The following ANGPT1 variants were observed in gnomAD, a reference collection of about 807,000 sequenced individuals.
ANGPT1 encodes angiopoietin 1.
In ANGPT1, 17 loss-of-function variants were observed where a neutral mutation model predicts 62.2. The observed-to-expected ratio is 0.27, with a 90% CI of 0.19 to 0.41. ANGPT1 has a LOEUF of 0.41. Ranked by LOEUF, ANGPT1 falls within the 10% of genes least tolerant of loss-of-function variation. ANGPT1 has a pLI of 1.00. For missense variants in ANGPT1, 478 were observed against 594.9 expected (o/e 0.80, Z 2.04); for synonymous variants, 199 against 198.9 (o/e 1.00, Z 0.00).
chr8:107,261,915 C>G (rs1813501244), intron 8 of ANGPT1, among the ~76,000 whole-genome samples: 1 of 152,016 alleles, frequency 6.6e-6, no homozygotes, highest in Admixed American at 6.6e-5. Flanking sequence ...CCCAAACCAG[C>G]TGGGTGTGGT....
At position 107,293,955 on chromosome 8, in the gene ANGPT1, C is replaced by T; in HGVS notation, c.1019G>A (p.Gly340Asp). 6.2e-7 allele frequency: 1 copy of T among 1,613,096 alleles called. No homozygotes were observed. Among genetic ancestry groups the T allele is most frequent in the Middle Eastern group, 1.7e-4 (1 of 6,054 alleles). The change falls in exon 6 of 9, where the codon GGC (glycine) becomes GAC (aspartate). Residue 340 changes from glycine (G) to aspartate (D), a missense_variant. This residue lies in a region of ANGPT1 where 81 missense variants were observed against 117.1 expected (regional missense o/e 0.69). Transcript: ENST00000517746. ...TCTTACCATTTTATATTCCTTCCAG[C>T]CTCTTTGGAAATCTAGACTTCCATC... ...REDGSLDFQRGWKEYKMGFGN... is the reference protein window; with the variant it reads ...REDGSLDFQRDWKEYKMGFGN...
intron 1 of ANGPT1, among the ~76,000 whole-genome samples, chr8:107,408,386 G>C (rs553036194): frequency 7.2e-4 from 110 of 152,250 alleles, no homozygotes; most frequent in African/African-American, 2.4e-3. Context: ...TTATAAGTTT[G>C]AAAAGATTGC....
Position 107,408,227 on chromosome 8 carries a change from C to T in ANGPT1, c.298-61130G>A, listed in dbSNP as rs118100358. Among the ~76,000 whole-genome samples the T allele has an allele frequency of 3.3e-3, 506 of 152,274 alleles. 1 individual carries two copies. The highest frequency in any genetic ancestry group is 6.2e-3 in the Non-Finnish European group (421 of 68,012). On this transcript the variant is annotated intron_variant, in intron 1 of 8. Transcript: ENST00000517746. ...GGTGTTTTTCCATTTAATTCACTAA[C>T]TTCTAAATGTTTGCTATTTTATCCA...
At chr8:107,451,708 G>A (rs1811782188) in intron 1 of ANGPT1, among the ~76,000 whole-genome samples, 1 of 151,886 alleles carries the variant, frequency 6.6e-6, no homozygotes, top group Admixed American at 6.6e-5. Flanking sequence ...TTATCACAGG[G>A]ATGCCATTGT....
At chr8:107,478,833 G>A (rs1424698554) in intron 1 of ANGPT1, among the ~76,000 whole-genome samples, 6 of 152,134 alleles carry the variant, frequency 3.9e-5, no homozygotes, top group Admixed American at 3.9e-4. Flanking sequence ...GTATAGAGTT[G>A]TGAGAATGAA....
At chr8:107,417,631 C>T (rs1243055090) in intron 1 of ANGPT1, among the ~76,000 whole-genome samples, 2 of 152,086 alleles carry the variant, frequency 1.3e-5, no homozygotes, top group African/African-American at 4.8e-5. Context: ...TATGACCACC[C>T]TAGGACCAGT....
At chr8:107,313,014 T>C (rs1157768528) in intron 4 of ANGPT1, among the ~76,000 whole-genome samples, 1 of 152,110 alleles carries the variant, frequency 6.6e-6, no homozygotes, top group Admixed American at 6.6e-5. Context: ...CCTAAACAAC[T>C]GGCAAAATCT....
intron 4 of ANGPT1, among the ~76,000 whole-genome samples, chr8:107,316,473 T>C (rs1815016776): frequency 6.6e-6 from 1 of 152,180 alleles, no homozygotes; most frequent in African/African-American, 2.4e-5. Flanking sequence ...AATAAACTAA[T>C]ATATGCAAAG....
chr8:107,428,364 G>A (rs2130396639), intron 1 of ANGPT1, among the ~76,000 whole-genome samples: 1 of 152,198 alleles, frequency 6.6e-6, no homozygotes, highest in East Asian at 1.9e-4. Flanking sequence ...TCTACCCTAT[G>A]GGAGACAAGA....
chr8:107,422,423 GTTCACAGAATAACT>G (rs1041445880), intron 1 of ANGPT1, among the ~76,000 whole-genome samples: 1 of 152,116 alleles, frequency 6.6e-6, no homozygotes, highest in Non-Finnish European at 1.5e-5. Context: ...GTCCCATAGT[GTTCACAGAATAACT>G]TTCACAAAAA....
intron 1 of ANGPT1, among the ~76,000 whole-genome samples, chr8:107,387,738 C>T (rs1418794816): frequency 1.3e-5 from 2 of 151,682 alleles, no homozygotes; most frequent in South Asian, 2.1e-4. Flanking sequence ...TCTGGCTGTG[C>T]ATGCTATTTA....
At chr8:107,414,799 A>G (rs1563612286) in intron 1 of ANGPT1, among the ~76,000 whole-genome samples, 1 of 152,314 alleles carries the variant, frequency 6.6e-6, no homozygotes, top group Middle Eastern at 3.4e-3. Context: ...TTATTTGGAC[A>G]TCTCATTTGT....
chr8:107,356,455 C>A (rs1295652682), intron 1 of ANGPT1, among the ~76,000 whole-genome samples: 4 of 152,138 alleles, frequency 2.6e-5, no homozygotes, highest in African/African-American at 4.8e-5. Context: ...AAGAAAGGAA[C>A]AAATCCTCTC....
rs990248486 is a variant in ANGPT1, at chr8:107,380,787, C to T, written c.298-33690G>A. Among the ~76,000 whole-genome samples the T allele has an allele frequency of 4.6e-5, 7 of 152,294 alleles. No homozygotes were observed. The South Asian group carries it at 1.0e-3, about 23-fold the overall frequency. ...CTTTGCTACTCAAGTAGGGCAGAGC[C>T]ACAGAGAACAAAAGACAACGTCTTA... On this transcript the variant is annotated intron_variant, in intron 1 of 8. Transcript: ENST00000517746.
At chr8:107,327,866 G>A (rs1283970694) in intron 3 of ANGPT1, among the ~76,000 whole-genome samples, 1 of 152,118 alleles carries the variant, frequency 6.6e-6, no homozygotes, top group Non-Finnish European at 1.5e-5. Flanking sequence ...CTAAATGAGT[G>A]TACAGCAAGT....
At chr8:107,266,946 GA>G (rs1383147071) in intron 7 of ANGPT1, among the ~76,000 whole-genome samples, 1 of 151,986 alleles carries the variant, frequency 6.6e-6, no homozygotes, top group African/African-American at 2.4e-5. Flanking sequence ...GCAAAAAGAA[GA>G]AATAAAAATC....
At chr8:107,345,195 C>G (rs1235905273) in intron 2 of ANGPT1, among the ~76,000 whole-genome samples, 1 of 152,170 alleles carries the variant, frequency 6.6e-6, no homozygotes, top group African/African-American at 2.4e-5. Flanking sequence ...TTTCAGCTAT[C>G]TTAAAATTGT....
chr8:107,293,256 G>A (rs1284790572), intron 6 of ANGPT1, among the ~76,000 whole-genome samples: 1 of 151,942 alleles, frequency 6.6e-6, no homozygotes, highest in East Asian at 1.9e-4. Context: ...TTATTTTGCA[G>A]ACCCCAGTGA....
intron 1 of ANGPT1, among the ~76,000 whole-genome samples, chr8:107,452,828 T>C (rs999512720): frequency 6.6e-6 from 1 of 152,068 alleles, no homozygotes; most frequent in Non-Finnish European, 1.5e-5. Flanking sequence ...ATTTGACACA[T>C]AGTACAGGCT....
Sources: allele counts gnomAD v4.1 joint callset (sites outside exome capture counted in the v4.1 genomes callset), GRCh38; gene constraint gnomAD v4.1.1; regional missense constraint gnomAD v4.1.1; transcripts MANE v1.5; gene names NCBI Gene and HGNC (gene_info 2026-07-23, HGNC 2026-07-21).